The following MCC variants were observed in gnomAD, a reference collection of about 807,000 sequenced individuals.
MCC encodes the protein MCC regulator of Wnt signaling pathway.
MCC carries 90 observed loss-of-function variants against 116.2 expected under a neutral mutation model. The observed-to-expected ratio is 0.77, with a 90% CI of 0.65 to 0.92. The LOEUF is 0.92. Ranked by LOEUF, MCC falls within the 40% of genes least tolerant of loss-of-function variation. The probability of loss-of-function intolerance (pLI) is 0.00; values close to 1 mark genes in which losing one functional copy is unlikely to be tolerated. For missense variants in MCC, 1,516 were observed against 1,312.2 expected (o/e 1.16, Z -2.40); for synonymous variants, 578 against 510.5 (o/e 1.13, Z -1.78).
chr5:113,460,648 G>C (rs1271815738), intron 1 of MCC, among the ~76,000 whole-genome samples: 1 of 152,190 alleles, frequency 6.6e-6, no homozygotes, highest in Non-Finnish European at 1.5e-5. Context: ...ATCAAAAGAT[G>C]CTCACAGAGT....
chr5:113,388,207 T>C lies in MCC; in HGVS notation c.171-2995A>G, dbSNP rs72797934. Among the ~76,000 whole-genome samples the C allele has an allele frequency of 4.6e-3, 697 of 152,264 alleles. 5 individuals are homozygous for C. The highest frequency in any genetic ancestry group is 7.9e-3 in the Non-Finnish European group (540 of 68,024). On this transcript the variant is annotated intron_variant, in intron 1 of 18. Coordinates refer to ENST00000408903, the MANE Select transcript of MCC (RefSeq NM_001085377.2). ...GCTGTTGAGAGGCTGATATAAAAGA[T>C]CAAAGCCAAAATACATTCATTGCAC...
At chr5:113,440,737 T>G (rs1378300114) in intron 1 of MCC, among the ~76,000 whole-genome samples, 1 of 151,868 alleles carries the variant, frequency 6.6e-6, no homozygotes, top group Non-Finnish European at 1.5e-5. Context: ...TAATTTTCAG[T>G]AGATCTGTTG....
At chr5:113,144,113 C>T (rs1039619670) in intron 4 of MCC, among the ~76,000 whole-genome samples, 4 of 152,142 alleles carry the variant, frequency 2.6e-5, no homozygotes, top group Non-Finnish European at 5.9e-5. Flanking sequence ...GATATATCAT[C>T]GTCATGAAAA....
rs1187882254 is a variant in MCC at position 113,434,468 on chromosome 5, G to C, written c.171-49256C>G. The C allele has an allele frequency of 1.9e-6, 3 of 1,613,726 alleles. No homozygotes were observed. Among genetic ancestry groups the C allele is most frequent in the East Asian group, 2.2e-5 (1 of 44,844 alleles). On this transcript the variant is annotated intron_variant, in intron 1 of 18. Transcript: ENST00000408903. The surrounding 1 kb of genome is among the most constrained non-coding windows in gnomAD (Gnocchi z 4.2). ...CGACGTCCAGGTCGTGGCAGTACTT[G>C]ATGGCCAAGGAAAGCTGGTGGAACT...
chr5:113,255,203 C>T (rs575501441), intron 3 of MCC, among the ~76,000 whole-genome samples: 3 of 152,132 alleles, frequency 2.0e-5, no homozygotes, highest in Non-Finnish European at 4.4e-5. Context: ...GCTATTATTC[C>T]CCCACCCCTT....
chr5:113,348,734 TAAAC>T (rs1265055728), intron 2 of MCC, among the ~76,000 whole-genome samples: 1 of 151,528 alleles, frequency 6.6e-6, no homozygotes, highest in East Asian at 1.9e-4. Context: ...AAAATTGAAA[TAAAC>T]GAAACAATAC....
intron 2 of MCC, among the ~76,000 whole-genome samples, chr5:113,372,975 G>A (rs754444743): frequency 1.3e-5 from 2 of 152,046 alleles, no homozygotes; most frequent in African/African-American, 4.8e-5. Context: ...TCAGGAGATC[G>A]AGACCATCCT....
At chr5:113,464,186 C>T (rs458055) in intron 1 of MCC, among the ~76,000 whole-genome samples, 138,569 of 152,180 alleles carry the variant, frequency 0.91, 63,384 homozygotes, top group African/African-American at 0.98. Context: ...TTATGAGAAG[C>T]AAGAAAATGG....
At chr5:113,171,647 G>T (rs551545143) in intron 3 of MCC, among the ~76,000 whole-genome samples, 1 of 152,068 alleles carries the variant, frequency 6.6e-6, no homozygotes, top group Non-Finnish European at 1.5e-5. Context: ...GAGCCACCGC[G>T]CCTGGCCCTG....
chr5:113,069,654 C>A (rs1297269450), intron 12 of MCC, among the ~76,000 whole-genome samples: 1 of 152,182 alleles, frequency 6.6e-6, no homozygotes, highest in Non-Finnish European at 1.5e-5. Context: ...CTGCAAGCTC[C>A]GCCTCCCAGG....
intron 5 of MCC, among the ~76,000 whole-genome samples, chr5:113,128,360 AAATT>A (rs1758207365): frequency 1.3e-5 from 2 of 152,180 alleles, no homozygotes; most frequent in Non-Finnish European, 2.9e-5. Context: ...ATTCTTTCTT[AAATT>A]AAGAGTAGAC....
intron 3 of MCC, among the ~76,000 whole-genome samples, chr5:113,202,953 G>A (rs781388707): frequency 1.2e-4 from 19 of 152,014 alleles, no homozygotes; most frequent in Admixed American, 1.2e-3. Flanking sequence ...CACCCAATCC[G>A]GCAAAATAAT....
At chr5:113,178,664 C>T (rs946621989) in intron 3 of MCC, among the ~76,000 whole-genome samples, 8 of 152,190 alleles carry the variant, frequency 5.3e-5, no homozygotes, top group Non-Finnish European at 7.4e-5. Context: ...AATATTATTT[C>T]TCACACTACT....
chr5:113,062,949 T>A (rs190337517), intron 14 of MCC, among the ~76,000 whole-genome samples: 3 of 152,250 alleles, frequency 2.0e-5, no homozygotes, highest in African/African-American at 4.8e-5. Flanking sequence ...TCTATCTTTA[T>A]GCAGTTCTGG....
Position 113,231,974 on chromosome 5 carries a change from A to G in MCC, c.628-80552T>C, listed in dbSNP as rs377088966. Among the ~76,000 whole-genome samples the G allele has an allele frequency of 4.6e-5, 7 of 152,272 alleles. No homozygotes were observed. The South Asian group carries it at 6.2e-4, about 14-fold the overall frequency. On this transcript the variant is annotated intron_variant, in intron 3 of 18. Coordinates refer to ENST00000408903, the MANE Select transcript of MCC (RefSeq NM_001085377.2). Reference sequence around the variant, plus strand: ...TGACACTAAGTTGTACAGGACCTATATAATTTTGAATCTAAACAACCTCCT... The same window carrying G: ...TGACACTAAGTTGTACAGGACCTATGTAATTTTGAATCTAAACAACCTCCT...
intron 1 of MCC, among the ~76,000 whole-genome samples, chr5:113,426,624 T>A (rs1303244166): frequency 6.6e-6 from 1 of 152,194 alleles, no homozygotes; most frequent in Non-Finnish European, 1.5e-5. Flanking sequence ...TGGGGCAATA[T>A]GCATGTGAAC....
In MCC at chr5:113,064,080, A is replaced by T; in HGVS notation, c.2117T>A (p.Leu706Gln). The part of the protein sequence containing the change: ...RKTAENAAKA[L>Q]LMKLDGSCGG... ...ACAGCTGCCGTCCAGCTTCATGAGC[A>T]GGGCCTTGGCAGCGTTCTCAGCTGT... The change falls in exon 14 of 19, where the codon CTG (leucine) becomes CAG (glutamine). Residue 706 changes from leucine to glutamine, a missense_variant. By Grantham distance (113) the Leu-to-Gln change is moderately radical. Coordinates refer to ENST00000408903, the MANE Select transcript of MCC (RefSeq NM_001085377.2). 2 of 1,614,242 alleles carry T rather than the reference A, an allele frequency of 1.2e-6. No individual in the cohort carries two copies. Among genetic ancestry groups the T allele is most frequent in the Non-Finnish European group, 1.7e-6 (2 of 1,180,038 alleles).
chr5:113,023,970 A>AAAAT lies in MCC; in HGVS notation c.*3328_*3331dup, dbSNP rs916542584. On this transcript the variant is annotated 3_prime_UTR_variant, in exon 19 of 19. Coordinates refer to ENST00000408903, the MANE Select transcript of MCC (RefSeq NM_001085377.2). ...ACTACGGTGCACTTTTTTCTCATTTAAAATAATCTAATCTGTATCCAGTTA... is the reference window on the plus strand; with the variant it reads ...ACTACGGTGCACTTTTTTCTCATTTAAAATAAATAATCTAATCTGTATCCAGTTA... 78 of 152,312 alleles carry AAAAT rather than the reference A, an allele frequency of 5.1e-4. No individual in the cohort carries two copies. Among genetic ancestry groups the AAAAT allele is most frequent in the African/African-American group, 1.9e-3 (78 of 41,576 alleles). The allele number at this position is 152,312 out of a possible 1,614,324, so 9.4% of individuals were successfully genotyped here.
At position 113,269,138 on chromosome 5, in the gene MCC, AG is replaced by A. The variant is rs1271207601; in HGVS notation, c.627+71380del. The A allele has an allele frequency of 2.3e-5, 23 of 983,190 alleles. No homozygotes were observed. The African/African-American group carries it at 3.1e-4, about 13-fold the overall frequency. The allele number at this position is 983,190 out of a possible 1,614,324, so 60.9% of individuals were successfully genotyped here. On this transcript the variant is annotated intron_variant, in intron 3 of 18. Coordinates refer to ENST00000408903, the MANE Select transcript of MCC (RefSeq NM_001085377.2). ...AAGTCAGACCAGCCTTGCAACCTGG[AG>A]GGAGACAAGGCAGAATAATTCTCTG...
Sources: allele counts gnomAD v4.1 joint callset (sites outside exome capture counted in the v4.1 genomes callset), GRCh38; gene constraint gnomAD v4.1.1; non-coding constraint Gnocchi (gnomAD v3.1); transcripts MANE v1.5; gene names NCBI Gene and HGNC (gene_info 2026-07-23, HGNC 2026-07-21).